Variants in ATL1 observed in about 807,000 individuals in gnomAD.
ATL1 encodes the protein atlastin-1.
ATL1 carries 31 observed loss-of-function variants against 75.5 expected under a neutral mutation model. That is an observed-to-expected ratio of 0.41 (90% CI 0.31 to 0.55). The LOEUF (loss-of-function observed/expected upper bound fraction) is 0.55, where lower values mean the gene tolerates loss of function less well. Among genes scored for constraint, ATL1 ranks in the 20% least tolerant of loss-of-function variants. The pLI, the probability that ATL1 is intolerant of heterozygous loss-of-function variation, is 0.27. For missense variants in ATL1, 405 were observed against 662.6 expected (o/e 0.61, Z 4.27); for synonymous variants, 226 against 233.3 (o/e 0.97, Z 0.28).
chr14:50,550,577 CACT>C (rs1298069436), intron 1 of ATL1, among the ~76,000 whole-genome samples: 2 of 152,206 alleles, frequency 1.3e-5, no homozygotes, highest in Non-Finnish European at 2.9e-5. Context: ...AACCCAGGAT[CACT>C]AGGGATTGTC....
chr14:50,620,800 A>G, intron 9 of ATL1, 74 bp downstream of exon 9: 1 of 1,538,870 alleles, frequency 6.5e-7, no homozygotes, highest in Non-Finnish European at 8.9e-7. Flanking sequence ...ATAAACAAAA[A>G]TTATAGACCC....
upstream of ATL1, among the ~76,000 whole-genome samples, chr14:50,555,608 G>A (rs1352479684): frequency 5.9e-5 from 9 of 152,034 alleles, no homozygotes; most frequent in Non-Finnish European, 1.5e-5. Flanking sequence ...TTGAAGCCAC[G>A]GTATTATCCC....
chr14:50,628,350 T>C lies in ATL1; in HGVS notation c.1439T>C (p.Ile480Thr). Residue 480 changes from isoleucine to threonine, a missense_variant, in exon 12 of 14, where the codon ATA (isoleucine) becomes ACA (threonine). Ile to Thr is a moderately conservative substitution (Grantham distance 89, BLOSUM62 -1). Around this residue, in one of 5 missense-constraint regions of ATL1, gnomAD observed 163 missense variants for 244.1 expected, o/e 0.67. Transcript: ENST00000358385. ...LDIIASLCNMIMGLTLITLCT... is the reference protein window; with the variant it reads ...LDIIASLCNMTMGLTLITLCT... Reference sequence around the variant, plus strand: ...ATCATAGCTAGCCTATGCAATATGATAATGGGACTGACCCTTATCACCCTG... The same window carrying C: ...ATCATAGCTAGCCTATGCAATATGACAATGGGACTGACCCTTATCACCCTG... 1 of 1,614,174 alleles carries C rather than the reference T, an allele frequency of 6.2e-7. No individual in the cohort carries two copies. The highest frequency in any genetic ancestry group is 8.5e-7 in the Non-Finnish European group (1 of 1,180,028).
intron 1 of ATL1, among the ~76,000 whole-genome samples, chr14:50,563,124 C>G (rs2038867978): frequency 6.6e-6 from 1 of 152,154 alleles, no homozygotes; most frequent in Admixed American, 6.5e-5. Context: ...TATAGAACTA[C>G]AGTTTCAATG....
At chr14:50,621,812 C>T in intron 9 of ATL1, 31 bp from the exon 10 acceptor site, 1 of 1,396,118 alleles carries the variant, frequency 7.2e-7, no homozygotes, top group Non-Finnish European at 1.0e-6. Flanking sequence ...AATGGAATTG[C>T]TTGAACATGA....
intron 11 of ATL1, among the ~76,000 whole-genome samples, chr14:50,625,885 A>G (rs1465236687): frequency 1.3e-5 from 2 of 149,068 alleles, no homozygotes; most frequent in South Asian, 2.2e-4. Flanking sequence ...CCTGGGTGAC[A>G]GAGTGAGACC....
chr14:50,630,145 G>A, intron 13 of ATL1, 136 bp downstream of exon 13: 1 of 553,642 alleles, frequency 1.8e-6, no homozygotes, highest in East Asian at 3.3e-5. Flanking sequence ...ATTTAAATTT[G>A]TAATTGTGAA....
At chr14:50,595,694 A>G (rs2039209534) in intron 6 of ATL1, 62 bp downstream of exon 6, 2 of 1,439,326 alleles carry the variant, frequency 1.4e-6, no homozygotes, top group South Asian at 1.1e-5. Context: ...GTAACCAGGT[A>G]TATTAATTAG....
Position 50,621,835 on chromosome 14 carries a change from T to C in ATL1, c.991-8T>C, listed in dbSNP as rs1321118217. ...TGCTTGAACATGAATCTTTTTCTTTTTTTTTAGGCTTATATAAAGATCTAT... is the reference window on the plus strand; with the variant it reads ...TGCTTGAACATGAATCTTTTTCTTTCTTTTTAGGCTTATATAAAGATCTAT... On this transcript the variant is annotated splice_polypyrimidine_tract_variant and splice_region_variant and intron_variant, in intron 9 of 13. Coordinates refer to ENST00000358385, the MANE Select transcript of ATL1 (RefSeq NM_015915.5). The C allele has an allele frequency of 6.5e-7, 1 of 1,550,028 alleles. No homozygotes were observed. Among genetic ancestry groups the C allele is most frequent in the Admixed American group, 1.7e-5 (1 of 59,412 alleles).
At chr14:50,628,677 T>C in intron 12 of ATL1, 2 of 702,448 alleles carry the variant, frequency 2.8e-6, no homozygotes, top group Non-Finnish European at 5.3e-6. Flanking sequence ...CATTTCAGCA[T>C]TTAAAAAAAT....
intron 1 of ATL1, among the ~76,000 whole-genome samples, chr14:50,580,657 C>A (rs1057121615): frequency 6.6e-6 from 1 of 152,024 alleles, no homozygotes; most frequent in Non-Finnish European, 1.5e-5. Context: ...CAGATACTGG[C>A]TTATGATTTT....
chr14:50,598,274 C>T (rs550733118), intron 6 of ATL1, among the ~76,000 whole-genome samples: 1 of 152,192 alleles, frequency 6.6e-6, no homozygotes, highest in Admixed American at 6.5e-5. Flanking sequence ...ATTGAAATTA[C>T]AATAGGATTT....
intron 1 of ATL1, among the ~76,000 whole-genome samples, chr14:50,546,338 G>A (rs2038631113): frequency 6.6e-6 from 1 of 151,944 alleles, no homozygotes; most frequent in Non-Finnish European, 1.5e-5. Context: ...CTATCTCATG[G>A]CTAGAGTTCT....
rs185344018 is a variant in ATL1, at chr14:50,614,493, T to G, written c.844T>G (p.Phe282Val). 1 of 1,613,962 alleles carries G rather than the reference T, an allele frequency of 6.2e-7. No homozygotes were observed. Among genetic ancestry groups the G allele is most frequent in the East Asian group, 2.2e-5 (1 of 44,866 alleles). The change falls in exon 8 of 14, where the codon TTT (phenylalanine) becomes GTT (valine). Residue 282 changes from phenylalanine (F) to valine (V), a missense_variant. This residue lies in a region of ATL1 where 59 missense variants were observed against 161.4 expected (regional missense o/e 0.37). Coordinates refer to ENST00000358385, the MANE Select transcript of ATL1 (RefSeq NM_015915.5). ...CTTAAAAGTAGCTACCAATCCAAAC[T>G]TTGATGGAAAATTGAAAGGTTTGTG... ...PGLKVATNPN[F>V]DGKLKEIDDE...
At chr14:50,557,422 T>C (rs982721430), upstream of ATL1, among the ~76,000 whole-genome samples, 3 of 152,234 alleles carry the variant, frequency 2.0e-5, no homozygotes, top group African/African-American at 7.2e-5. Context: ...TTTCATATCC[T>C]TTCCTTTTTC....
chr14:50,621,964 A>C, intron 10 of ATL1, 65 bp downstream of exon 10: 2 of 1,022,152 alleles, frequency 2.0e-6, no homozygotes, highest in African/African-American at 1.6e-5. Context: ...TGGCTGTCAG[A>C]AATAACCAAA....
chr14:50,612,691 T>C (rs1042189805), intron 6 of ATL1, among the ~76,000 whole-genome samples: 1 of 152,142 alleles, frequency 6.6e-6, no homozygotes, highest in Non-Finnish European at 1.5e-5. Context: ...TTTGTGTATG[T>C]ACCTAGGGAG....
intron 11 of ATL1, among the ~76,000 whole-genome samples, chr14:50,626,702 C>G (rs1332868563): frequency 6.6e-6 from 1 of 152,162 alleles, no homozygotes; most frequent in Non-Finnish European, 1.5e-5. Flanking sequence ...GTGTAAAGAT[C>G]AAATCAGGGA....
intron 6 of ATL1, among the ~76,000 whole-genome samples, chr14:50,603,003 C>T (rs924533142): frequency 6.6e-6 from 1 of 152,152 alleles, no homozygotes; most frequent in African/African-American, 2.4e-5. Context: ...CAGCAGACAG[C>T]ATCTATGGCA....
Sources: gnomAD v4.1 joint callset for allele counts (sites outside exome capture counted in the v4.1 genomes callset) on GRCh38, gnomAD v4.1.1 for gene constraint, gnomAD v4.1.1 regional missense constraint, MANE v1.5 for transcripts, NCBI Gene and HGNC (gene_info 2026-07-23, HGNC 2026-07-21) for gene names.